Variants in NAV2 observed in about 807,000 individuals in gnomAD.
The protein encoded by NAV2 is helicase, APC down-regulated 1.
NAV2 carries 54 observed loss-of-function variants against 223.2 expected under a neutral mutation model. The ratio of observed to expected loss-of-function variants is 0.24; its 90% confidence interval spans 0.19 to 0.30. NAV2 has a LOEUF of 0.30. NAV2 is among the 10% of genes least tolerant of loss of function. The pLI is 1.00. For missense variants in NAV2, 2,806 were observed against 3,147.5 expected, an observed-to-expected ratio of 0.89 and a Z score of 2.60; for synonymous variants, 1,279 against 1,239.3, an observed-to-expected ratio of 1.03 and a Z score of -0.67.
intron 1 of NAV2, among the ~76,000 whole-genome samples, chr11:19,509,305 G>A (rs779658739): frequency 2.0e-5 from 3 of 152,098 alleles, no homozygotes; most frequent in South Asian, 2.1e-4. Flanking sequence ...GTGTGCATGC[G>A]CATGCAAGTG....
intron 1 of NAV2, among the ~76,000 whole-genome samples, chr11:19,800,944 C>A (rs1189814978): frequency 2.6e-5 from 4 of 152,176 alleles, no homozygotes; most frequent in African/African-American, 7.2e-5. Context: ...CCTCAGGACC[C>A]AGATGTATTC....
intron 1 of NAV2, among the ~76,000 whole-genome samples, chr11:19,670,671 G>A (rs1049700480): frequency 1.1e-4 from 17 of 152,294 alleles, no homozygotes; most frequent in African/African-American, 3.8e-4. Context: ...CTAATTGCTT[G>A]GTCCCTCCAC....
At chr11:20,010,617 T>C (rs2053486670) in intron 11 of NAV2, among the ~76,000 whole-genome samples, 1 of 152,200 alleles carries the variant, frequency 6.6e-6, no homozygotes, top group Non-Finnish European at 1.5e-5. Context: ...AAGTCTATAA[T>C]ATATGTACAG....
intron 1 of NAV2, among the ~76,000 whole-genome samples, chr11:19,558,355 A>G (rs575768760): frequency 1.3e-4 from 20 of 152,230 alleles, no homozygotes; most frequent in Non-Finnish European, 2.4e-4. Flanking sequence ...CCTCAAATGC[A>G]TGGCACCTCA....
At chr11:19,551,052 C>T (rs10766567) in intron 1 of NAV2, among the ~76,000 whole-genome samples, 45,689 of 152,242 alleles carry the variant, frequency 0.3, 7,403 homozygotes, top group East Asian at 0.48. Flanking sequence ...CAGGAGCTGG[C>T]GCTGACTGCT....
intron 1 of NAV2, among the ~76,000 whole-genome samples, chr11:19,359,398 G>A (rs766456930): frequency 1.3e-5 from 2 of 152,178 alleles, no homozygotes; most frequent in Non-Finnish European, 2.9e-5. Flanking sequence ...GACCTGGAAG[G>A]TCATTTCATT....
chr11:19,468,942 G>T (rs1001532760), intron 1 of NAV2, among the ~76,000 whole-genome samples: 1 of 152,202 alleles, frequency 6.6e-6, no homozygotes, highest in Non-Finnish European at 1.5e-5. Flanking sequence ...TTGAGTCCCT[G>T]TGGAGCTGTA....
At chr11:19,582,200 G>T (rs1052256092) in intron 1 of NAV2, among the ~76,000 whole-genome samples, 2 of 152,078 alleles carry the variant, frequency 1.3e-5, no homozygotes, top group South Asian at 2.1e-4. Context: ...TCGCCCACTT[G>T]TTGATGGGGT....
chr11:19,740,079 G>A (rs568430687), intron 1 of NAV2, among the ~76,000 whole-genome samples: 7 of 152,280 alleles, frequency 4.6e-5, no homozygotes, highest in Non-Finnish European at 8.8e-5. Flanking sequence ...TTTGTACTGC[G>A]CACTTTGGAG....
At chr11:20,004,416 A>G (rs908506237) in intron 11 of NAV2, among the ~76,000 whole-genome samples, 9 of 152,242 alleles carry the variant, frequency 5.9e-5, no homozygotes, top group Admixed American at 2.0e-4. Context: ...CACTGCCGTA[A>G]GTCAATACTG....
chr11:19,462,093 G>A (rs1262253197), intron 1 of NAV2, among the ~76,000 whole-genome samples: 1 of 152,174 alleles, frequency 6.6e-6, no homozygotes, highest in Non-Finnish European at 1.5e-5. Flanking sequence ...ATAGATGTGA[G>A]CCACCGCACC....
At chr11:19,818,330 G>A (rs1358566947) in intron 1 of NAV2, among the ~76,000 whole-genome samples, 1 of 139,352 alleles carries the variant, frequency 7.2e-6, no homozygotes, top group African/African-American at 2.7e-5. Flanking sequence ...AAGCCTGATA[G>A]GTAGTACTTG....
chr11:19,974,194 C>G (rs1395058944), intron 10 of NAV2, among the ~76,000 whole-genome samples: 1 of 152,210 alleles, frequency 6.6e-6, no homozygotes, highest in Non-Finnish European at 1.5e-5. Flanking sequence ...AGTTCTTCCG[C>G]CCAGGTCTCA....
At chr11:19,520,931 A>C (rs536787700) in intron 1 of NAV2, among the ~76,000 whole-genome samples, 1 of 152,150 alleles carries the variant, frequency 6.6e-6, no homozygotes, top group Non-Finnish European at 1.5e-5. Context: ...GGGATTTTAC[A>C]GCTCCCCTGG....
intron 1 of NAV2, chr11:19,777,568 C>T (rs144641213): frequency 0.02 from 9,068 of 454,254 alleles, 144 homozygotes; most frequent in Non-Finnish European, 0.026. Flanking sequence ...TACTTTTTAA[C>T]CCCCCACCCC....
intron 1 of NAV2, among the ~76,000 whole-genome samples, chr11:19,789,451 G>A (rs1026344788): frequency 7.9e-5 from 12 of 152,064 alleles, no homozygotes; most frequent in African/African-American, 1.9e-4. Flanking sequence ...TGCTATTTTC[G>A]GCCGTTATTG....
chr11:19,645,316 A>G (rs2047784773), intron 1 of NAV2, among the ~76,000 whole-genome samples: 1 of 152,196 alleles, frequency 6.6e-6, no homozygotes, highest in African/African-American at 2.4e-5. Flanking sequence ...TTCACTTCTA[A>G]GGACCACTGG....
At chr11:19,419,321 C>A (rs576244919) in intron 1 of NAV2, among the ~76,000 whole-genome samples, 2 of 152,318 alleles carry the variant, frequency 1.3e-5, no homozygotes, top group African/African-American at 4.8e-5. Context: ...AAAGCACTTG[C>A]AGAAATCCAT....
intron 1 of NAV2, among the ~76,000 whole-genome samples, chr11:19,521,517 G>A (rs1224097047): frequency 6.6e-6 from 1 of 152,212 alleles, no homozygotes; most frequent in African/African-American, 2.4e-5. Flanking sequence ...TTATCGGGGA[G>A]GCAGAAGAAA....
Sources: allele counts gnomAD v4.1 joint callset (sites outside exome capture counted in the v4.1 genomes callset), GRCh38; gene constraint gnomAD v4.1.1; transcripts MANE v1.5; gene names NCBI Gene and HGNC (gene_info 2026-07-23, HGNC 2026-07-21).